Variants in RSBN1 observed in about 807,000 individuals in gnomAD.
The protein encoded by RSBN1 is lysine-specific demethylase 9.
In RSBN1, 23 loss-of-function variants were observed where a neutral mutation model predicts 74.8. That is an observed-to-expected ratio of 0.31 (90% confidence interval 0.22 to 0.44). The LOEUF (loss-of-function observed/expected upper bound fraction) is 0.44, where lower values mean the gene tolerates loss of function less well. Among genes scored for constraint, RSBN1 ranks in the 20% least tolerant of loss-of-function variants. RSBN1 has a pLI of 1.00. For missense variants in RSBN1, 808 were observed against 1,020.9 expected (o/e 0.79, Z 2.84); for synonymous variants, 407 against 379.6 (o/e 1.07, Z -0.84).
intron 1 of RSBN1, among the ~76,000 whole-genome samples, chr1:113,800,621 G>A (rs1558003726): frequency 6.6e-6 from 1 of 152,134 alleles, no homozygotes; most frequent in Non-Finnish European, 1.5e-5. Context: ...AGCTTCGGAA[G>A]AGGTATTTGG....
chr1:113,806,897 C>T (rs1210252515), intron 1 of RSBN1, among the ~76,000 whole-genome samples: 1 of 149,800 alleles, frequency 6.7e-6, no homozygotes, highest in Non-Finnish European at 1.5e-5. Context: ...CGTGTGGTCT[C>T]AGCTACTCAG....
In RSBN1 at chr1:113,777,334, T is replaced by C. The variant is rs764560309; in HGVS notation, c.1534A>G (p.Thr512Ala). ...CACTGGAGTCGGAGGCTAGAAAGTG[T>C]ACCCCAGGGCAAAGTCATCTAGAAA... is the stretch of plus-strand genomic sequence containing the variant. ...PFLKMTLPWG[T>A]LSSLRLQCRS... is the part of the protein sequence containing the mutation. The change falls in exon 4 of 7, where the codon ACA (threonine) becomes GCA (alanine). Residue 512 changes from threonine to alanine, a missense_variant. Physicochemically the swap from Thr to Ala is moderately conservative, Grantham distance 58. This residue lies in a region of RSBN1 where 112 missense variants were observed against 257.3 expected (regional missense o/e 0.44). Coordinates refer to ENST00000261441, the MANE Select transcript of RSBN1 (RefSeq NM_018364.5). The C allele has an allele frequency of 1.2e-5, 19 of 1,611,086 alleles. No homozygotes were observed. The highest frequency in any genetic ancestry group is 1.6e-4 in the Middle Eastern group (1 of 6,074).
intron 1 of RSBN1, among the ~76,000 whole-genome samples, chr1:113,807,962 T>C (rs1235750451): frequency 6.6e-6 from 1 of 152,072 alleles, no homozygotes; most frequent in African/African-American, 2.4e-5. Flanking sequence ...ATCATGATGA[T>C]GTATCACCAC....
chr1:113,812,066 C>G lies in RSBN1; in HGVS notation c.347G>C (p.Arg116Pro). 2 of 1,557,358 alleles carry G rather than the reference C, an allele frequency of 1.3e-6. No individual in the cohort carries two copies. Among genetic ancestry groups the G allele is most frequent in the Non-Finnish European group, 1.7e-6 (2 of 1,154,728 alleles). Residue 116 changes from arginine to proline, a missense_variant, in exon 1 of 7, where the codon CGT (arginine) becomes CCT (proline). Coordinates refer to ENST00000261441, the MANE Select transcript of RSBN1 (RefSeq NM_018364.5). ...CGGCCCAGGATGTTGGCGGCTGCGACGCCGCCGGTGAGGGGGAGCGAGAGG... is the reference window on the plus strand; with the variant it reads ...CGGCCCAGGATGTTGGCGGCTGCGAGGCCGCCGGTGAGGGGGAGCGAGAGG... ...EPPLAPPHRR[R>P]RSRQHPGPLP... is the part of the protein sequence containing the mutation.
chr1:113,772,945 A>G (rs904302751), intron 4 of RSBN1, among the ~76,000 whole-genome samples: 2 of 152,188 alleles, frequency 1.3e-5, no homozygotes, highest in African/African-American at 4.8e-5. Context: ...TGAGTATTTT[A>G]TAACACTGAA....
chr1:113,766,613 G>C (rs184800738), intron 6 of RSBN1, among the ~76,000 whole-genome samples, 160 bp from the exon 7 acceptor site: 1 of 152,192 alleles, frequency 6.6e-6, no homozygotes, highest in Admixed American at 6.5e-5. Flanking sequence ...AAAAATTCTT[G>C]TAATGCCTGG....
At chr1:113,777,624 C>A in intron 3 of RSBN1, 47 bp downstream of exon 3, 1 of 1,540,766 alleles carries the variant, frequency 6.5e-7, no homozygotes, top group Non-Finnish European at 8.8e-7. Context: ...TATAAAGTGC[C>A]CACTTAAGTA....
rs937342758 is a variant in RSBN1, at chr1:113,807,326, A to C, written c.703+4384T>G. The stretch of plus-strand genomic sequence containing the variant: ...GAGAATCCATCTCAAAAAAAAAAAA[A>C]AACAACCAAAATAAAAACAAGCAAA... On this transcript the variant is annotated intron_variant, in intron 1 of 6. Transcript: ENST00000261441. Among the ~76,000 whole-genome samples, 13 of 151,884 alleles carry C rather than the reference A, an allele frequency of 8.6e-5. No homozygotes were observed. In the East Asian group the frequency reaches 1.4e-3, roughly 16 times the overall value.
At chr1:113,807,313 C>CAAAAAAAAAAAAAAAAAAACAAAAA (rs767306902) in intron 1 of RSBN1, among the ~76,000 whole-genome samples, 1 of 70,004 alleles carries the variant, frequency 1.4e-5, no homozygotes. Context: ...GAATCCATCT[C>CAAAAAAAAAAAAAAAAAAACAAAAA]AAAAAAAAAA....
intron 2 of RSBN1, among the ~76,000 whole-genome samples, chr1:113,787,246 C>G (rs1244946855): frequency 1.3e-5 from 2 of 152,132 alleles, no homozygotes; most frequent in Non-Finnish European, 2.9e-5. Context: ...ACATGGTAGA[C>G]TGGATGTATG....
At chr1:113,773,482 C>G (rs930497176) in intron 4 of RSBN1, among the ~76,000 whole-genome samples, 2 of 152,140 alleles carry the variant, frequency 1.3e-5, no homozygotes, top group Non-Finnish European at 2.9e-5. Context: ...AAGATCGCAC[C>G]ACTGCACTCC....
chr1:113,812,075 T>C lies in RSBN1; in HGVS notation c.338A>G (p.His113Arg). 1 of 1,572,806 alleles carries C rather than the reference T, an allele frequency of 6.4e-7. No individual in the cohort carries two copies. Among genetic ancestry groups the C allele is most frequent in the Non-Finnish European group, 8.6e-7 (1 of 1,161,620 alleles). Residue 113 changes from histidine (H) to arginine (R), a missense_variant, in exon 1 of 7, where the codon CAC (histidine) becomes CGC (arginine). By Grantham distance (29) the His-to-Arg change is conservative. Transcript: ENST00000261441. Reference sequence around the variant, plus strand: ...ATGTTGGCGGCTGCGACGCCGCCGGTGAGGGGGAGCGAGAGGGGGCTCCTG... The same window carrying C: ...ATGTTGGCGGCTGCGACGCCGCCGGCGAGGGGGAGCGAGAGGGGGCTCCTG... ...PSQEPPLAPP[H>R]RRRRSRQHPG...
intron 1 of RSBN1, among the ~76,000 whole-genome samples, chr1:113,804,156 C>T (rs1660649007): frequency 6.6e-6 from 1 of 152,034 alleles, no homozygotes; most frequent in Non-Finnish European, 1.5e-5. Context: ...GAGTCTATCT[C>T]ACAGAGTTAT....
At chr1:113,794,885 A>T (rs1011077415) in intron 2 of RSBN1, among the ~76,000 whole-genome samples, 2 of 152,202 alleles carry the variant, frequency 1.3e-5, no homozygotes, top group African/African-American at 2.4e-5. Context: ...TGAATAAACT[A>T]TCTTGAAATA....
rs1316170470 is a variant in RSBN1 at position 113,762,835 on chromosome 1, A to C, written c.*3145T>G. 1 of 152,772 alleles carries C rather than the reference A, an allele frequency of 6.5e-6. No homozygotes were observed. Among genetic ancestry groups the C allele is most frequent in the African/African-American group, 2.4e-5 (1 of 41,466 alleles). The allele number at this position is 152,772 out of a possible 1,614,324, so 9.5% of individuals were successfully genotyped here. A position where few individuals can be genotyped will look rare whatever the true frequency, so the allele number is the denominator to read the frequency against. ...CATCTTTTCCTAAAGTTTAGTAAAC[A>C]ACTTTAATAAGCTCCTTTTTCCCCC... On this transcript the variant is annotated 3_prime_UTR_variant, in exon 7 of 7. Transcript: ENST00000261441.
intron 1 of RSBN1, among the ~76,000 whole-genome samples, chr1:113,801,735 C>A (rs1660587988): frequency 6.6e-6 from 1 of 152,218 alleles, no homozygotes; most frequent in African/African-American, 2.4e-5. Context: ...ACCTATCCAA[C>A]TGTGTGATTA....
At position 113,780,508 on chromosome 1, in the gene RSBN1, T is replaced by C. The variant is rs1303804270; in HGVS notation, c.1378-2700A>G. ...AATAAATATGAAGCATCTTTTCCTATTTGCAAAGAGAATAAAAAGTAAACC... is the reference window on the plus strand; with the variant it reads ...AATAAATATGAAGCATCTTTTCCTACTTGCAAAGAGAATAAAAAGTAAACC... On this transcript the variant is annotated intron_variant, in intron 2 of 6. Coordinates refer to ENST00000261441, the MANE Select transcript of RSBN1 (RefSeq NM_018364.5). Among the ~76,000 whole-genome samples, 3 of 152,134 alleles carry C rather than the reference T, an allele frequency of 2.0e-5. No homozygotes were observed. The East Asian group carries it at 5.8e-4, about 29-fold the overall frequency.
At chr1:113,799,454 A>T (rs1009832798) in intron 1 of RSBN1, among the ~76,000 whole-genome samples, 2 of 152,120 alleles carry the variant, frequency 1.3e-5, no homozygotes, top group Non-Finnish European at 2.9e-5. Flanking sequence ...ATTAAGAGTG[A>T]TTCCTAAAGA....
chr1:113,806,463 A>G (rs140909363), intron 1 of RSBN1, among the ~76,000 whole-genome samples: 232 of 152,306 alleles, frequency 1.5e-3, no homozygotes, highest in South Asian at 2.5e-3. Flanking sequence ...TTAGGCAAGA[A>G]GAAAAAAAAT....
Sources: allele counts gnomAD v4.1 joint callset (sites outside exome capture counted in the v4.1 genomes callset), GRCh38; gene constraint gnomAD v4.1.1; regional missense constraint gnomAD v4.1.1; transcripts MANE v1.5; gene names NCBI Gene and HGNC (gene_info 2026-07-23, HGNC 2026-07-21).